The following FBXL17 variants were observed in gnomAD, a reference collection of about 807,000 sequenced individuals.
The protein encoded by FBXL17 is F-box and leucine rich repeat protein 17, also known as F-box/LRR-repeat protein 17.
Under a neutral mutation model 66.2 loss-of-function variants are expected in FBXL17, and 22 were observed. The ratio of observed to expected loss-of-function variants is 0.33; its 90% CI spans 0.24 to 0.47. The LOEUF is 0.47. Among genes scored for constraint, FBXL17 ranks in the 20% least tolerant of loss-of-function variants. FBXL17 has a pLI of 1.00. For synonymous variants in FBXL17, 474 were observed against 400.5 expected (o/e 1.18, Z -2.19); for missense variants, 878 against 948.2 (o/e 0.93, Z 0.97).
intron 7 of FBXL17, among the ~76,000 whole-genome samples, chr5:107,981,400 A>AC (rs1215052696): frequency 6.6e-6 from 1 of 152,216 alleles, no homozygotes; most frequent in Non-Finnish European, 1.5e-5. Flanking sequence ...ACATGGAGTG[A>AC]CCACAACTGT....
At chr5:108,180,948 T>C (rs1752977542) in intron 6 of FBXL17, among the ~76,000 whole-genome samples, 1 of 152,204 alleles carries the variant, frequency 6.6e-6, no homozygotes, top group East Asian at 1.9e-4. Context: ...TCAGGACCAA[T>C]ATTAAAAATT....
intron 6 of FBXL17, among the ~76,000 whole-genome samples, chr5:108,052,944 G>A (rs1747540166): frequency 1.3e-5 from 2 of 152,002 alleles, no homozygotes; most frequent in South Asian, 2.1e-4. Flanking sequence ...CAAGCAATGG[G>A]GAAAAAAATC....
At chr5:108,286,901 C>A (rs1757921330) in intron 4 of FBXL17, among the ~76,000 whole-genome samples, 1 of 151,720 alleles carries the variant, frequency 6.6e-6, no homozygotes, top group Admixed American at 6.6e-5. Flanking sequence ...CTATGGTAAC[C>A]AAAACAGCAT....
intron 7 of FBXL17, among the ~76,000 whole-genome samples, chr5:107,982,046 G>C (rs189156406): frequency 1.3e-4 from 20 of 152,244 alleles, no homozygotes; most frequent in Middle Eastern, 3.4e-3. Context: ...AAAGAGTAGG[G>C]ACCTAACTAT....
chr5:108,073,197 T>G (rs1260983468), intron 6 of FBXL17, among the ~76,000 whole-genome samples: 1 of 152,140 alleles, frequency 6.6e-6, no homozygotes, highest in Non-Finnish European at 1.5e-5. Context: ...GGGAAACATC[T>G]CTTAATGGAT....
At chr5:108,213,215 T>C (rs1355043223) in intron 5 of FBXL17, among the ~76,000 whole-genome samples, 2 of 152,004 alleles carry the variant, frequency 1.3e-5, no homozygotes, top group African/African-American at 4.8e-5. Flanking sequence ...CAGGGGATCT[T>C]AGTTTGCTGG....
rs565881104 is a variant in FBXL17 at position 108,175,775 on chromosome 5, G to A, written c.1745+10342C>T. Among the ~76,000 whole-genome samples, 12 of 152,226 alleles carry A rather than the reference G, an allele frequency of 7.9e-5. No individual in the cohort carries two copies. In the South Asian group the frequency reaches 2.5e-3, roughly 32 times the overall value. ...ATCAAGTTCCAGCAATTTCTCCTAT[G>A]GTTAAGCATGTGTGTACCTATCTTC... On this transcript the variant is annotated intron_variant, in intron 6 of 8. Transcript: ENST00000542267.
intron 6 of FBXL17, among the ~76,000 whole-genome samples, chr5:108,098,031 G>C (rs1004073384): frequency 1.3e-5 from 2 of 151,900 alleles, no homozygotes; most frequent in African/African-American, 4.8e-5. Context: ...AGATCTCCTA[G>C]AAGAAGCTCA....
At chr5:108,352,801 G>A (rs1026282641) in intron 3 of FBXL17, among the ~76,000 whole-genome samples, 16 of 152,154 alleles carry the variant, frequency 1.1e-4, no homozygotes, top group African/African-American at 3.4e-4. Flanking sequence ...GAGCCACTGC[G>A]CCTGGACGAA....
intron 7 of FBXL17, among the ~76,000 whole-genome samples, chr5:107,891,902 A>G (rs1448550056): frequency 2.0e-5 from 3 of 152,032 alleles, no homozygotes; most frequent in African/African-American, 4.8e-5. Flanking sequence ...TCAACTTACG[A>G]TGGGGTTATG....
intron 4 of FBXL17, among the ~76,000 whole-genome samples, chr5:108,284,545 G>C (rs2941697): frequency 0.15 from 22,142 of 151,686 alleles, 1,902 homozygotes; most frequent in South Asian, 0.33. Flanking sequence ...AGGAAGACTT[G>C]GAAAAGTGAG....
intron 6 of FBXL17, among the ~76,000 whole-genome samples, chr5:108,103,450 CTT>C (rs1376039212): frequency 2.6e-5 from 4 of 152,140 alleles, no homozygotes; most frequent in Non-Finnish European, 5.9e-5. Context: ...TAAAAATAAT[CTT>C]TTGGTCAGTG....
intron 7 of FBXL17, among the ~76,000 whole-genome samples, chr5:107,886,129 A>G (rs1245711658): frequency 6.6e-6 from 1 of 152,220 alleles, no homozygotes; most frequent in Non-Finnish European, 1.5e-5. Context: ...AAAGAACTGT[A>G]AGCAAACAAA....
At chr5:107,888,103 C>G (rs1749035503) in intron 7 of FBXL17, among the ~76,000 whole-genome samples, 1 of 152,186 alleles carries the variant, frequency 6.6e-6, no homozygotes, top group Non-Finnish European at 1.5e-5. Flanking sequence ...AAACTGTACA[C>G]TGACCACACT....
intron 6 of FBXL17, among the ~76,000 whole-genome samples, chr5:108,068,587 CT>C: frequency 6.6e-6 from 1 of 152,178 alleles, no homozygotes; most frequent in Admixed American, 6.5e-5. Flanking sequence ...CCCTGAGTAG[CT>C]GGGGCTACAG....
intron 5 of FBXL17, among the ~76,000 whole-genome samples, chr5:108,208,034 T>G (rs891078107): frequency 6.6e-6 from 1 of 152,194 alleles, no homozygotes; most frequent in African/African-American, 2.4e-5. Context: ...AGGTATCTCA[T>G]TGTGGTTTTG....
chr5:107,907,524 A>G (rs1395841055), intron 7 of FBXL17, among the ~76,000 whole-genome samples: 2 of 152,198 alleles, frequency 1.3e-5, no homozygotes, highest in Non-Finnish European at 2.9e-5. Flanking sequence ...AAAATGGGAG[A>G]AAATTTTTGC....
intron 7 of FBXL17, among the ~76,000 whole-genome samples, chr5:107,996,735 A>T (rs923143890): frequency 7.2e-5 from 11 of 152,214 alleles, no homozygotes; most frequent in Admixed American, 7.2e-4. Flanking sequence ...CAGTGAAGAA[A>T]CTGAGATCCA....
intron 6 of FBXL17, among the ~76,000 whole-genome samples, chr5:108,145,990 G>A (rs1177940721): frequency 1.3e-5 from 2 of 152,048 alleles, no homozygotes; most frequent in Admixed American, 6.5e-5. Flanking sequence ...AGGCCGAGGC[G>A]GGCGGATCAC....
Sources: gnomAD v4.1 joint callset for allele counts (sites outside exome capture counted in the v4.1 genomes callset) on GRCh38, gnomAD v4.1.1 for gene constraint, MANE v1.5 for transcripts, NCBI Gene and HGNC (gene_info 2026-07-23, HGNC 2026-07-21) for gene names.